The following TPP2 variants were observed in gnomAD, a reference collection of about 807,000 sequenced individuals.
TPP2 encodes tripeptidyl-peptidase 2.
In TPP2, 34 loss-of-function variants were observed where a neutral mutation model predicts 155.9. The observed-to-expected ratio is 0.22, with a 90% CI of 0.17 to 0.29. TPP2 has a LOEUF of 0.29. Among genes scored for constraint, TPP2 ranks in the 10% least tolerant of loss-of-function variants. The pLI, the probability that TPP2 is intolerant of heterozygous loss-of-function variation, is 1.00. For synonymous variants in TPP2, 510 were observed against 529.4 expected (o/e 0.96, Z 0.50); for missense variants, 1,028 against 1,522.3 (o/e 0.68, Z 5.40).
rs2308264 is a variant in TPP2, at chr13:102,644,469, C to CAT, written c.2176-87_2176-86insTA. The CAT allele has an allele frequency of 0.47, 547,863 of 1,155,602 alleles. 131,705 individuals are homozygous for CAT. Among genetic ancestry groups the CAT allele is most frequent in the African/African-American group, 0.6 (37,726 of 62,906 alleles). The allele number at this position is 1,155,602 out of a possible 1,614,324, so 71.6% of individuals were successfully genotyped here. ...GCTACAAACAGGAAAAGTTTGAAAA[C>CAT]AGAATTGCTCTGAAACAGCTAGTAT... is the stretch of plus-strand genomic sequence containing the variant. On this transcript the variant is annotated intron_variant, in intron 17 of 29. Coordinates refer to ENST00000376052, the MANE Select transcript of TPP2 (RefSeq NM_001330588.2).
chr13:102,657,121 T>A lies in TPP2; in HGVS notation c.3057T>A (p.Asp1019Glu). The change falls in exon 25 of 30, where the codon GAT becomes GAA. Residue 1019 changes from aspartate (D) to glutamate (E), a missense_variant. By Grantham distance (45) the Asp-to-Glu change is conservative (BLOSUM62 2). Transcript: ENST00000376052. ...PPTKTKNGSK[D>E]KEKDSEKEKD... The stretch of plus-strand genomic sequence containing the variant: ...CAAAGACTAAGAATGGCAGCAAAGA[T>A]AAGGAAAAAGATTCAGAAAAAGAGA... The A allele has an allele frequency of 6.3e-7, 1 of 1,587,674 alleles. No homozygotes were observed. The highest frequency in any genetic ancestry group is 8.5e-7 in the Non-Finnish European group (1 of 1,171,036).
chr13:102,605,809 C>T (rs545379663), intron 2 of TPP2, among the ~76,000 whole-genome samples: 13 of 151,722 alleles, frequency 8.6e-5, no homozygotes, highest in Admixed American at 3.3e-4. Context: ...CTGCAACCTC[C>T]GCCTCCCGGG....
chr13:102,625,039 T>C (rs956669479), intron 6 of TPP2, among the ~76,000 whole-genome samples: 1 of 151,690 alleles, frequency 6.6e-6, no homozygotes, highest in African/African-American at 2.4e-5. Context: ...TTTGTATTTT[T>C]AGTAGAGACA....
At chr13:102,676,217 C>G in intron 28 of TPP2, 79 bp from the exon 29 acceptor site, 3 of 1,297,772 alleles carry the variant, frequency 2.3e-6, no homozygotes, top group Non-Finnish European at 2.1e-6. Flanking sequence ...TCTGTTAAAG[C>G]CTTAATTTTA....
At chr13:102,600,370 A>G (rs1357401631) in intron 1 of TPP2, among the ~76,000 whole-genome samples, 1 of 152,110 alleles carries the variant, frequency 6.6e-6, no homozygotes, top group African/African-American at 2.4e-5. Context: ...TTGGAAAATC[A>G]ACTGATTTAA....
chr13:102,599,474 G>T (rs1879262338), intron 1 of TPP2, among the ~76,000 whole-genome samples: 1 of 152,120 alleles, frequency 6.6e-6, no homozygotes, highest in Non-Finnish European at 1.5e-5. Context: ...AAAGAAAAAG[G>T]AAGGAAAGAA....
chr13:102,597,280 C>A, intron 1 of TPP2, 77 bp downstream of exon 1: 1 of 859,176 alleles, frequency 1.2e-6, no homozygotes, highest in Non-Finnish European at 1.6e-6. Flanking sequence ...TCTCGGAGCC[C>A]GGCAGGCCAA....
chr13:102,600,882 C>CT (rs756311512), intron 1 of TPP2, among the ~76,000 whole-genome samples: 96 of 144,604 alleles, frequency 6.6e-4, no homozygotes, highest in East Asian at 1.2e-3. Flanking sequence ...GTCCTAACCT[C>CT]TTTTTTTTTT....
chr13:102,652,617 C>A (rs1226884616), intron 24 of TPP2, among the ~76,000 whole-genome samples: 22 of 110,046 alleles, frequency 2.0e-4, no homozygotes, highest in Admixed American at 1.8e-3. Context: ...AATCACCATT[C>A]TATAACAGCT....
At chr13:102,605,556 G>A (rs1447408831) in intron 2 of TPP2, among the ~76,000 whole-genome samples, 1 of 152,124 alleles carries the variant, frequency 6.6e-6, no homozygotes. Context: ...CAAATTTTAT[G>A]TTTTGAATAC....
Position 102,640,364 on chromosome 13 carries a change from G to A in TPP2, c.2008G>A (p.Ala670Thr). 1 of 1,613,122 alleles carries A rather than the reference G, an allele frequency of 6.2e-7. No individual in the cohort carries two copies. Among genetic ancestry groups the A allele is most frequent in the Non-Finnish European group, 8.5e-7 (1 of 1,179,322 alleles). Residue 670 changes from alanine (A) to threonine (T), a missense_variant, in exon 16 of 30, where the codon GCA becomes ACA. This residue lies in a region of TPP2 where 325 missense variants were observed against 463.7 expected (regional missense o/e 0.70). Coordinates refer to ENST00000376052, the MANE Select transcript of TPP2 (RefSeq NM_001330588.2). ...GCATTTTATTGAGGTTCCTGAGGGT[G>A]CAACATGGGCTGGTAGGTAAAATTA... ...RRHFIEVPEGATWAEVTVCSC... is the reference protein window; with the variant it reads ...RRHFIEVPEGTTWAEVTVCSC...
chr13:102,616,692 T>C (rs1880759783), intron 4 of TPP2, among the ~76,000 whole-genome samples, 192 bp downstream of exon 4: 1 of 152,236 alleles, frequency 6.6e-6, no homozygotes, highest in Non-Finnish European at 1.5e-5. Context: ...TTTTTAAAAT[T>C]TAACACATAA....
intron 24 of TPP2, among the ~76,000 whole-genome samples, chr13:102,651,849 T>C (rs1883509565): frequency 1.3e-5 from 2 of 152,208 alleles, no homozygotes; most frequent in Admixed American, 6.5e-5. Flanking sequence ...GCGAACTTTA[T>C]TCCCTGCTCT....
chr13:102,630,182 T>G lies in TPP2; in HGVS notation c.1231T>G (p.Ser411Ala). The change falls in exon 10 of 30, where the codon TCT becomes GCT. Residue 411 changes from serine to alanine, a missense_variant. Transcript: ENST00000376052. ...KLPANQYTWSSRGPSADGALG... is the reference protein window; with the variant it reads ...KLPANQYTWSARGPSADGALG... ...ACCTGCAAATCAATATACTTGGTCT[T>G]CTAGAGGACCTAGGTAGGTGCAGGT... 6.2e-7 allele frequency: 1 copy of G among 1,613,434 alleles called. No individual in the cohort carries two copies. The highest frequency in any genetic ancestry group is 8.5e-7 in the Non-Finnish European group (1 of 1,179,666).
intron 27 of TPP2, among the ~76,000 whole-genome samples, chr13:102,672,205 C>G (rs1296098004): frequency 1.3e-5 from 2 of 152,066 alleles, no homozygotes; most frequent in Non-Finnish European, 2.9e-5. Flanking sequence ...CACTAGGGGC[C>G]GAAGAGAGTT....
In TPP2 at chr13:102,627,917, A is replaced by G. The variant is rs1881753619; in HGVS notation, c.1009A>G (p.Asn337Asp). The G allele has an allele frequency of 6.2e-7, 1 of 1,612,552 alleles. No individual in the cohort carries two copies. The highest frequency in any genetic ancestry group is 8.5e-7 in the Non-Finnish European group (1 of 1,179,158). ...TTACGGAGAAGCAACTCACTGGCCA[A>G]ATTCTGGGTGAGTGTTCCTTGACAG... ...YSYGEATHWPNSGRICEVINE... is the reference protein window; with the variant it reads ...YSYGEATHWPDSGRICEVINE... Residue 337 changes from asparagine (N) to aspartate (D), a missense_variant, in exon 8 of 30, where the codon AAT (asparagine) becomes GAT (aspartate). This residue lies in a region of TPP2 where 63 missense variants were observed against 165.7 expected (regional missense o/e 0.38). Coordinates refer to ENST00000376052, the MANE Select transcript of TPP2 (RefSeq NM_001330588.2).
chr13:102,636,470 G>C (rs976340895), intron 13 of TPP2, 78 bp downstream of exon 13: 2 of 1,468,636 alleles, frequency 1.4e-6, no homozygotes, highest in East Asian at 4.6e-5. Context: ...AAGAATTGCT[G>C]TTTGGGCCAG....
chr13:102,664,849 C>G lies in TPP2; in HGVS notation c.3295C>G (p.His1099Asp). Residue 1099 changes from histidine to aspartate, a missense_variant, in exon 27 of 30, where the codon CAT becomes GAT. By Grantham distance (81) the His-to-Asp change is moderately conservative (BLOSUM62 -1). Coordinates refer to ENST00000376052, the MANE Select transcript of TPP2 (RefSeq NM_001330588.2). ...IVDAANAVIS[H>D]IDQTALAVYI... ...TGATGCGGCAAATGCTGTTATTTCT[C>G]ATATAGATCAAACAGCCCTAGCAGT... 8 of 1,613,660 alleles carry G rather than the reference C, an allele frequency of 5.0e-6. No homozygotes were observed. The highest frequency in any genetic ancestry group is 6.8e-6 in the Non-Finnish European group (8 of 1,179,802).
chr13:102,639,575 T>A (rs1757787624), intron 15 of TPP2, among the ~76,000 whole-genome samples: 1 of 152,134 alleles, frequency 6.6e-6, no homozygotes, highest in African/African-American at 2.4e-5. Flanking sequence ...ATGTTAAATG[T>A]CTCTGATGAT....
Sources: gnomAD v4.1 joint callset for allele counts (sites outside exome capture counted in the v4.1 genomes callset) on GRCh38, gnomAD v4.1.1 for gene constraint, gnomAD v4.1.1 regional missense constraint, MANE v1.5 for transcripts, NCBI Gene and HGNC (gene_info 2026-07-23, HGNC 2026-07-21) for gene names.